Variants in ADGB observed in about 807,000 individuals in gnomAD.
The protein encoded by ADGB is calpain-7-like protein.
Under a neutral mutation model 210.5 loss-of-function variants are expected in ADGB, and 172 were observed. The observed-to-expected ratio is 0.82, with a 90% CI of 0.72 to 0.93. The LOEUF (loss-of-function observed/expected upper bound fraction) is 0.93, where lower values mean the gene tolerates loss of function less well. Ranked by LOEUF, ADGB falls within the 40% of genes least tolerant of loss-of-function variation. The pLI is 0.00. For missense variants in ADGB, 2,025 were observed against 1,964.8 expected, an observed-to-expected ratio of 1.03 and a Z score of -0.58; for synonymous variants, 658 against 662.7, an observed-to-expected ratio of 0.99 and a Z score of 0.11.
At chr6:146,631,548 T>C (rs34545216) in intron 1 of ADGB, among the ~76,000 whole-genome samples, 29,605 of 152,116 alleles carry the variant, frequency 0.19, 3,030 homozygotes, top group East Asian at 0.24. Flanking sequence ...CAATTAGGTA[T>C]ATCAGAAATG....
chr6:146,806,108 T>G (rs1446571623), intron 35 of ADGB, among the ~76,000 whole-genome samples: 4 of 152,184 alleles, frequency 2.6e-5, no homozygotes, highest in Non-Finnish European at 2.9e-5. Flanking sequence ...TTAGATTAGA[T>G]TAGAAAACAA....
chr6:146,619,796 G>A (rs1478649235), intron 1 of ADGB, among the ~76,000 whole-genome samples: 1 of 152,012 alleles, frequency 6.6e-6, no homozygotes, highest in African/African-American at 2.4e-5. Flanking sequence ...CCTATTAAAA[G>A]TATAAATGGT....
chr6:146,674,074 G>A (rs1776051520), intron 8 of ADGB, among the ~76,000 whole-genome samples: 1 of 152,148 alleles, frequency 6.6e-6, no homozygotes, highest in Admixed American at 6.6e-5. Context: ...AGTGTTGCAG[G>A]AACCAGAGAT....
chr6:146,788,294 T>C, intron 32 of ADGB, 95 bp from the exon 33 acceptor site: 1 of 1,131,844 alleles, frequency 8.8e-7, no homozygotes, highest in Non-Finnish European at 1.3e-6. Context: ...AGTCATCTGC[T>C]CTAAATCTGT....
Position 146,815,261 on chromosome 6 carries a change from C to A in ADGB, c.*44C>A, listed in dbSNP as rs12528080. ...TACCCTGCTTCTGGAGAGAAAAAAT[C>A]TATTTGTAATGATCTTTAACTGCCT... On this transcript the variant is annotated 3_prime_UTR_variant, in exon 36 of 36. Coordinates refer to ENST00000397944, the MANE Select transcript of ADGB (RefSeq NM_024694.4). The A allele has an allele frequency of 1.8e-3, 2,477 of 1,403,206 alleles. 103 individuals carry two copies. The Admixed American group carries it at 0.07, about 40-fold the overall frequency. 86.9% of individuals were successfully genotyped at this position (1,403,206 alleles called of 1,614,324 possible). A position where few individuals can be genotyped will look rare whatever the true frequency, so the allele number is the denominator to read the frequency against.
intron 1 of ADGB, among the ~76,000 whole-genome samples, chr6:146,623,325 CTATT>C (rs1038416972): frequency 6.6e-6 from 1 of 151,862 alleles, no homozygotes; most frequent in Non-Finnish European, 1.5e-5. Context: ...TATGGTCTAT[CTATT>C]CATTTATTAA....
chr6:146,675,244 A>G (rs897246318), intron 8 of ADGB, among the ~76,000 whole-genome samples: 2 of 152,160 alleles, frequency 1.3e-5, no homozygotes, highest in Non-Finnish European at 2.9e-5. Context: ...ACTTGAGCTC[A>G]GGAGTTCAAG....
At chr6:146,605,518 A>G (rs1367843531) in intron 1 of ADGB, among the ~76,000 whole-genome samples, 1 of 152,094 alleles carries the variant, frequency 6.6e-6, no homozygotes, top group Admixed American at 6.5e-5. Context: ...GGGCCTGAAT[A>G]TATATTTTAT....
chr6:146,657,220 G>A (rs892947763), intron 5 of ADGB, among the ~76,000 whole-genome samples: 3 of 151,878 alleles, frequency 2.0e-5, no homozygotes, highest in Admixed American at 6.6e-5. Flanking sequence ...CACCTACTCC[G>A]GAGGCTGATG....
At chr6:146,611,262 G>A (rs530004658) in intron 1 of ADGB, among the ~76,000 whole-genome samples, 2 of 152,094 alleles carry the variant, frequency 1.3e-5, no homozygotes, top group East Asian at 3.9e-4. Context: ...TGGTAGACAG[G>A]GAGGTGCTCA....
intron 20 of ADGB, among the ~76,000 whole-genome samples, chr6:146,730,704 T>C (rs1776968485): frequency 6.6e-6 from 1 of 152,172 alleles, no homozygotes; most frequent in Non-Finnish European, 1.5e-5. Flanking sequence ...TCCTGGGCTA[T>C]TAAATGGGCA....
At chr6:146,715,587 T>C (rs1776720977) in intron 14 of ADGB, among the ~76,000 whole-genome samples, 172 bp downstream of exon 14, 1 of 152,126 alleles carries the variant, frequency 6.6e-6, no homozygotes, top group Non-Finnish European at 1.5e-5. Context: ...ATTTCAATTG[T>C]TAAATTGAAG....
chr6:146,670,271 A>C (rs1583582746), intron 7 of ADGB, among the ~76,000 whole-genome samples: 1 of 151,950 alleles, frequency 6.6e-6, no homozygotes, highest in African/African-American at 2.4e-5. Context: ...TTACACTTGA[A>C]TGAAGTTTTA....
At chr6:146,811,584 G>A (rs192194803) in intron 35 of ADGB, among the ~76,000 whole-genome samples, 1 of 152,044 alleles carries the variant, frequency 6.6e-6, no homozygotes, top group Non-Finnish European at 1.5e-5. Context: ...ATGTATTTTT[G>A]ATCAATTACT....
At chr6:146,784,890 C>A (rs1777851682) in intron 31 of ADGB, 96 bp downstream of exon 31, 1 of 1,229,566 alleles carries the variant, frequency 8.1e-7, no homozygotes, top group African/African-American at 1.5e-5. Context: ...ATAGCCTGTC[C>A]TTTAGTAATG....
intron 1 of ADGB, among the ~76,000 whole-genome samples, chr6:146,605,001 G>A (rs1454917368): frequency 6.6e-6 from 1 of 152,148 alleles, no homozygotes. Context: ...GGGGCGGTTA[G>A]TGCAGGCAAC....
Position 146,600,032 on chromosome 6 carries a change from A to G in ADGB, c.74+918A>G, listed in dbSNP as rs77068244. 3.4e-3 allele frequency among the ~76,000 whole-genome samples: 521 copies of G among 152,150 alleles called. 5 individuals carry two copies. Among genetic ancestry groups the G allele is most frequent in the African/African-American group, 0.012 (497 of 41,492 alleles). On this transcript the variant is annotated intron_variant, in intron 1 of 35. Coordinates refer to ENST00000397944, the MANE Select transcript of ADGB (RefSeq NM_024694.4). Reference sequence around the variant, plus strand: ...AGAATTCCACATTGGACTGATCCCTATGATTCACTGATCCCTAGGATTTAA... The same window carrying G: ...AGAATTCCACATTGGACTGATCCCTGTGATTCACTGATCCCTAGGATTTAA...
At chr6:146,640,747 T>A (rs2114865042) in intron 2 of ADGB, among the ~76,000 whole-genome samples, 1 of 152,150 alleles carries the variant, frequency 6.6e-6, no homozygotes, top group East Asian at 1.9e-4. Context: ...AACTAGGTAT[T>A]GAAGGATCAT....
chr6:146,666,810 T>C lies in ADGB; in HGVS notation c.753-6T>C. The C allele has an allele frequency of 6.5e-7, 1 of 1,542,760 alleles. No individual in the cohort carries two copies. Among genetic ancestry groups the C allele is most frequent in the Non-Finnish European group, 8.8e-7 (1 of 1,140,990 alleles). ...TACCTGTAACATTATGCATGTTCTT[T>C]TTTAGCATCCATGTAGCAGACAGGA... On this transcript the variant is annotated splice_polypyrimidine_tract_variant and splice_region_variant and intron_variant, in intron 6 of 35. Coordinates refer to ENST00000397944, the MANE Select transcript of ADGB (RefSeq NM_024694.4).
Sources: gnomAD v4.1 joint callset for allele counts (sites outside exome capture counted in the v4.1 genomes callset) on GRCh38, gnomAD v4.1.1 for gene constraint, MANE v1.5 for transcripts, NCBI Gene and HGNC (gene_info 2026-07-23, HGNC 2026-07-21) for gene names.